The following LIMCH1 variants were observed in gnomAD, a reference collection of about 807,000 sequenced individuals.
The protein encoded by LIMCH1 is LIM and calponin homology domains-containing protein 1.
A neutral mutation model predicts 176.5 loss-of-function variants in LIMCH1; 113 were observed. That is an observed-to-expected ratio of 0.64 (90% CI 0.55 to 0.75). The LOEUF is 0.75. LIMCH1 is among the 30% of genes least tolerant of loss of function. The pLI, the probability that LIMCH1 is intolerant of heterozygous loss-of-function variation, is 0.00. For synonymous variants in LIMCH1, 619 were observed against 645.9 expected (o/e 0.96, Z 0.63); for missense variants, 1,674 against 1,814.9 (o/e 0.92, Z 1.41).
intron 1 of LIMCH1, among the ~76,000 whole-genome samples, chr4:41,542,135 C>G (rs1301862664): frequency 2.6e-5 from 4 of 152,118 alleles, no homozygotes; most frequent in Non-Finnish European, 5.9e-5. Flanking sequence ...GATTTTCACA[C>G]TAGCCCTCAA....
At chr4:41,426,757 T>C (rs1477632020) in intron 1 of LIMCH1, among the ~76,000 whole-genome samples, 1 of 152,266 alleles carries the variant, frequency 6.6e-6, no homozygotes, top group Non-Finnish European at 1.5e-5. Flanking sequence ...GACAGGTCTT[T>C]GTAAACAAAC....
intron 1 of LIMCH1, among the ~76,000 whole-genome samples, chr4:41,558,018 C>T (rs1262105912): frequency 1.3e-5 from 2 of 152,000 alleles, no homozygotes; most frequent in African/African-American, 4.8e-5. Flanking sequence ...AGTGGCCACA[C>T]GTGTCAGCCT....
At chr4:41,486,981 C>CAT (rs2154170681) in intron 1 of LIMCH1, among the ~76,000 whole-genome samples, 1 of 150,058 alleles carries the variant, frequency 6.7e-6, no homozygotes, top group African/African-American at 2.5e-5. Context: ...CATACATACA[C>CAT]ACACACACAC....
At chr4:41,448,249 C>T (rs562424451) in intron 1 of LIMCH1, among the ~76,000 whole-genome samples, 22 of 152,324 alleles carry the variant, frequency 1.4e-4, no homozygotes, top group Admixed American at 6.5e-5. Flanking sequence ...TCTCCTAGAG[C>T]TTCAGCTTTA....
chr4:41,557,780 C>T (rs2081478630), intron 1 of LIMCH1, among the ~76,000 whole-genome samples: 2 of 152,092 alleles, frequency 1.3e-5, no homozygotes, highest in African/African-American at 4.8e-5. Context: ...GTTGGAAGTG[C>T]CAAGGGCGGT....
chr4:41,469,447 T>C (rs1215682021), intron 1 of LIMCH1, among the ~76,000 whole-genome samples: 1 of 151,056 alleles, frequency 6.6e-6, no homozygotes, highest in African/African-American at 2.5e-5. Flanking sequence ...TCCCCTGTAC[T>C]TGTCAAAGTG....
At chr4:41,603,650 T>C (rs1410816776) in intron 2 of LIMCH1, among the ~76,000 whole-genome samples, 3 of 152,220 alleles carry the variant, frequency 2.0e-5, no homozygotes, top group Admixed American at 1.3e-4. Flanking sequence ...CGTCTTTTTA[T>C]AGCGTACTGT....
intron 1 of LIMCH1, among the ~76,000 whole-genome samples, chr4:41,480,499 C>A (rs1336608175): frequency 2.0e-5 from 3 of 152,012 alleles, no homozygotes; most frequent in Non-Finnish European, 4.4e-5. Flanking sequence ...CCCAGCTACT[C>A]GGGAGGCTGA....
intron 1 of LIMCH1, among the ~76,000 whole-genome samples, chr4:41,447,332 T>C (rs2063386995): frequency 6.6e-6 from 1 of 152,344 alleles, no homozygotes; most frequent in Non-Finnish European, 1.5e-5. Context: ...CAAGGACTTT[T>C]GGTAAGTTGG....
chr4:41,620,810 A>G, intron 7 of LIMCH1, 120 bp downstream of exon 7: 2 of 1,144,624 alleles, frequency 1.7e-6, no homozygotes, highest in South Asian at 1.6e-5. Context: ...CTATTGCATC[A>G]CTGTTCCCTG....
At chr4:41,670,607 C>T in intron 21 of LIMCH1, 1 of 645,318 alleles carries the variant, frequency 1.5e-6, no homozygotes. Flanking sequence ...ACTCTCAATT[C>T]TGGTATTGAC....
In LIMCH1 at chr4:41,625,489, C is replaced by T. The variant is rs557541586; in HGVS notation, c.726-1219C>T. On this transcript the variant is annotated intron_variant, in intron 7 of 31. Transcript: ENST00000503057. ...AAAACTTGTATCATTATTTTTTGCT[C>T]GCCGTGAATCTGCCTTGAAGCTCTG... 7.9e-5 allele frequency among the ~76,000 whole-genome samples: 12 copies of T among 152,232 alleles called. No individual in the cohort carries two copies. The South Asian group carries it at 2.1e-3, about 26-fold the overall frequency.
chr4:41,499,116 G>C (rs1415502754), intron 2 of LIMCH1, among the ~76,000 whole-genome samples: 1 of 151,944 alleles, frequency 6.6e-6, no homozygotes, highest in East Asian at 1.9e-4. Flanking sequence ...ATGCTATTTG[G>C]GTAAATTAAA....
Position 41,547,323 on chromosome 4 carries a change from C to CT in LIMCH1, c.-241+8974dup, listed in dbSNP as rs547014993. On this transcript the variant is annotated intron_variant, in intron 1 of 31. Transcript: ENST00000503057. Reference sequence around the variant, plus strand: ...CCTTTCTTCACCCACCTGTTACCTCCTCCTTAGCCTCCGGTAACCCCCATT... The same window carrying CT: ...CCTTTCTTCACCCACCTGTTACCTCCTTCCTTAGCCTCCGGTAACCCCCATT... 1.9e-3 allele frequency among the ~76,000 whole-genome samples: 296 copies of CT among 152,244 alleles called. 3 individuals carry two copies. Among genetic ancestry groups the CT allele is most frequent in the African/African-American group, 6.5e-3 (269 of 41,552 alleles).
intron 1 of LIMCH1, among the ~76,000 whole-genome samples, chr4:41,384,886 A>C (rs934630802): frequency 1.3e-5 from 2 of 151,984 alleles, no homozygotes; most frequent in Non-Finnish European, 2.9e-5. Flanking sequence ...ATATGATAGA[A>C]CTTGAAAAAA....
At chr4:41,651,593 C>T (rs78715671) in intron 18 of LIMCH1, among the ~76,000 whole-genome samples, 6,963 of 152,106 alleles carry the variant, frequency 0.046, 238 homozygotes, top group Admixed American at 0.11. Context: ...AATACCTTTT[C>T]CCCCCCTGTT....
chr4:41,612,212 G>T, intron 4 of LIMCH1: 1 of 243,896 alleles, frequency 4.1e-6, no homozygotes, highest in Non-Finnish European at 7.9e-6. Context: ...CTGCTGCGGA[G>T]TATGTCAGAG....
intron 1 of LIMCH1, among the ~76,000 whole-genome samples, chr4:41,539,084 A>G (rs906349488): frequency 1.3e-5 from 2 of 152,202 alleles, no homozygotes; most frequent in African/African-American, 4.8e-5. Context: ...AGCCAAATTT[A>G]TGAGGCTGGG....
At chr4:41,414,335 A>G (rs916695261) in intron 1 of LIMCH1, among the ~76,000 whole-genome samples, 4 of 152,104 alleles carry the variant, frequency 2.6e-5, no homozygotes, top group Admixed American at 1.3e-4. Context: ...CGTACTACTG[A>G]AGTTGATTAT....
Sources: allele counts gnomAD v4.1 joint callset (sites outside exome capture counted in the v4.1 genomes callset), GRCh38; gene constraint gnomAD v4.1.1; transcripts MANE v1.5; gene names NCBI Gene and HGNC (gene_info 2026-07-23, HGNC 2026-07-21).